Variants in SPON1 observed in about 807,000 individuals in gnomAD.
SPON1 encodes spondin-1.
In SPON1, 52 loss-of-function variants were observed where a neutral mutation model predicts 111.7. That is an observed-to-expected ratio of 0.47 (90% CI 0.37 to 0.59). SPON1 has a LOEUF of 0.59. Ranked by LOEUF, SPON1 falls within the 20% of genes least tolerant of loss-of-function variation. The probability of loss-of-function intolerance (pLI) is 0.00; values close to 1 mark genes in which losing one functional copy is unlikely to be tolerated. For synonymous variants in SPON1, 410 were observed against 395.8 expected (o/e 1.04, Z -0.43); for missense variants, 957 against 1,068.5 (o/e 0.90, Z 1.46).
intron 2 of SPON1, among the ~76,000 whole-genome samples, chr11:14,029,834 C>T (rs1342188279): frequency 6.6e-6 from 1 of 152,200 alleles, no homozygotes; most frequent in Admixed American, 6.5e-5. Flanking sequence ...GCTTCTCTAA[C>T]AACTTTGTAT....
intron 6 of SPON1, among the ~76,000 whole-genome samples, chr11:14,197,246 T>G (rs1156783045): frequency 6.6e-6 from 1 of 152,182 alleles, no homozygotes; most frequent in East Asian, 1.9e-4. Context: ...TCTCCAGCTG[T>G]CAGTTCAAGC....
At chr11:13,983,115 C>T (rs115489638) in intron 2 of SPON1, among the ~76,000 whole-genome samples, 162 bp downstream of exon 2, 299 of 152,326 alleles carry the variant, frequency 2.0e-3, no homozygotes, top group African/African-American at 6.8e-3. Flanking sequence ...CAGCAAATGC[C>T]GCACACCTAT....
chr11:14,137,504 G>A (rs1013463701), intron 6 of SPON1, among the ~76,000 whole-genome samples: 12 of 151,934 alleles, frequency 7.9e-5, no homozygotes, highest in East Asian at 1.9e-4. Flanking sequence ...TCTACTTTTC[G>A]CCCCCCTCAC....
intron 3 of SPON1, among the ~76,000 whole-genome samples, chr11:14,065,445 A>G (rs2133825078): frequency 6.6e-6 from 1 of 152,338 alleles, no homozygotes; most frequent in Admixed American, 6.5e-5. Flanking sequence ...ACGCCCAGCC[A>G]CGGAGCAGCA....
chr11:14,160,242 T>C (rs1260404887), intron 6 of SPON1, among the ~76,000 whole-genome samples: 3 of 148,374 alleles, frequency 2.0e-5, no homozygotes, highest in Non-Finnish European at 4.4e-5. Flanking sequence ...TGAGGTTACA[T>C]CCTGATAAAC....
chr11:14,126,511 C>T (rs781842711), intron 5 of SPON1, among the ~76,000 whole-genome samples: 1 of 152,202 alleles, frequency 6.6e-6, no homozygotes, highest in Non-Finnish European at 1.5e-5. Flanking sequence ...GTATCTCAAA[C>T]TTACATGTCT....
At chr11:14,121,092 G>A (rs1849301388) in intron 5 of SPON1, among the ~76,000 whole-genome samples, 1 of 152,188 alleles carries the variant, frequency 6.6e-6, no homozygotes, top group Admixed American at 6.5e-5. Context: ...TACTGTGGGA[G>A]ACCACTTATA....
intron 1 of SPON1, 116 bp downstream of exon 1, chr11:13,963,258 C>T (rs1847989545): frequency 4.2e-6 from 3 of 716,644 alleles, no homozygotes; most frequent in Non-Finnish European, 6.5e-6. Context: ...GGGTGCAGCC[C>T]GGCAAGGGCC....
chr11:14,103,106 G>A (rs1423121481), intron 5 of SPON1, among the ~76,000 whole-genome samples: 1 of 152,148 alleles, frequency 6.6e-6, no homozygotes, highest in African/African-American at 2.4e-5. Context: ...CTTCTGGTGT[G>A]TATAAGGAAA....
chr11:14,035,641 AGG>A (rs1848589153), intron 2 of SPON1, among the ~76,000 whole-genome samples: 4 of 119,268 alleles, frequency 3.4e-5, no homozygotes. Context: ...TTTTTAAGAC[AGG>A]GTCTCACTCT....
intron 2 of SPON1, among the ~76,000 whole-genome samples, chr11:14,024,395 G>T (rs1398671249): frequency 1.3e-5 from 2 of 152,158 alleles, no homozygotes; most frequent in Non-Finnish European, 2.9e-5. Context: ...AGGTTCTGTT[G>T]AGTGGTGGAG....
intron 6 of SPON1, among the ~76,000 whole-genome samples, chr11:14,188,867 GAATA>G (rs1848314329): frequency 6.6e-6 from 1 of 152,168 alleles, no homozygotes. Flanking sequence ...GATGAGCACA[GAATA>G]AATGTCAGTT....
intron 1 of SPON1, among the ~76,000 whole-genome samples, chr11:13,978,089 AC>A (rs1848116325): frequency 6.6e-6 from 1 of 152,106 alleles, no homozygotes. Flanking sequence ...ACTTTCCTGG[AC>A]CCTAAGCTGA....
chr11:14,205,257 C>A (rs149165180), intron 6 of SPON1, among the ~76,000 whole-genome samples: 12 of 152,168 alleles, frequency 7.9e-5, no homozygotes, highest in African/African-American at 2.7e-4. Flanking sequence ...TGACGCATAT[C>A]GTATTATTAC....
Position 14,015,015 on chromosome 11 carries a change from A to G in SPON1, c.346-26506A>G, listed in dbSNP as rs1848434574. On this transcript the variant is annotated intron_variant, in intron 2 of 15. Transcript: ENST00000576479. The stretch of plus-strand genomic sequence containing the variant: ...ACACACTTGTCTGTCTATGGAGAAA[A>G]TCTTAACAGAATTGTGGGCAGGCCT... Among the ~76,000 whole-genome samples the G allele has an allele frequency of 1.3e-5, 2 of 152,068 alleles. 1 individual carries two copies. Among genetic ancestry groups the G allele is most frequent in the South Asian group, 4.2e-4 (2 of 4,816 alleles).
intron 6 of SPON1, among the ~76,000 whole-genome samples, chr11:14,136,429 C>T (rs1307208809): frequency 1.3e-5 from 2 of 152,210 alleles, no homozygotes; most frequent in African/African-American, 4.8e-5. Flanking sequence ...GAGGCTGTTG[C>T]CCTCCCTGTG....
intron 5 of SPON1, among the ~76,000 whole-genome samples, chr11:14,111,560 C>T (rs1213059033): frequency 6.6e-6 from 1 of 152,188 alleles, no homozygotes; most frequent in African/African-American, 2.4e-5. Context: ...ATACACAAAA[C>T]TGCTGAAGCT....
chr11:13,983,091 C>A (rs1250675607), intron 2 of SPON1, 138 bp downstream of exon 2: 1 of 624,860 alleles, frequency 1.6e-6, no homozygotes. Flanking sequence ...TTGAAAGGGT[C>A]ATCATGGAGC....
At chr11:14,171,702 C>T (rs1440473144) in intron 6 of SPON1, among the ~76,000 whole-genome samples, 4 of 151,756 alleles carry the variant, frequency 2.6e-5, no homozygotes, top group East Asian at 1.9e-4. Context: ...TCTTTGTTCT[C>T]GTTGGTTTCA....
Sources: allele counts gnomAD v4.1 joint callset (sites outside exome capture counted in the v4.1 genomes callset), GRCh38; gene constraint gnomAD v4.1.1; transcripts MANE v1.5; gene names NCBI Gene and HGNC (gene_info 2026-07-23, HGNC 2026-07-21).